The following UTRN variants were observed in gnomAD, a reference collection of about 807,000 sequenced individuals.
UTRN encodes dystrophin-related protein 1.
Under a neutral mutation model 463.9 loss-of-function variants are expected in UTRN, and 283 were observed. The ratio of observed to expected loss-of-function variants is 0.61; its 90% CI spans 0.55 to 0.67. The LOEUF (loss-of-function observed/expected upper bound fraction) is 0.67, where lower values mean the gene tolerates loss of function less well. Ranked by LOEUF, UTRN falls within the 30% of genes least tolerant of loss-of-function variation. The pLI is 0.00. For synonymous variants in UTRN, 1,442 were observed against 1,431.5 expected, an observed-to-expected ratio of 1.01 and a Z score of -0.17; for missense variants, 3,922 against 4,084.3, an observed-to-expected ratio of 0.96 and a Z score of 1.08.
In UTRN at chr6:144,432,850, G is replaced by A. The variant is rs557624821; in HGVS notation, c.856-3085G>A. 2.1e-4 allele frequency among the ~76,000 whole-genome samples: 32 copies of A among 152,270 alleles called. No individual in the cohort carries two copies. In the East Asian group the frequency reaches 5.2e-3, roughly 25 times the overall value. Reference sequence around the variant, plus strand: ...CCCTGCGGCCTTCCGCAGTGTTTGTGTCCCTGGGTCCTTGAGATTAGGGAG... The same window carrying A: ...CCCTGCGGCCTTCCGCAGTGTTTGTATCCCTGGGTCCTTGAGATTAGGGAG... On this transcript the variant is annotated intron_variant, in intron 9 of 74. Transcript: ENST00000367545.
intron 58 of UTRN, among the ~76,000 whole-genome samples, chr6:144,763,281 CT>C (rs1332754531): frequency 6.6e-6 from 1 of 152,180 alleles, no homozygotes; most frequent in African/African-American, 2.4e-5. Flanking sequence ...AACTCCCCCT[CT>C]GAGTGGATCC....
At chr6:144,765,411 C>G (rs998970457) in intron 58 of UTRN, among the ~76,000 whole-genome samples, 1 of 152,008 alleles carries the variant, frequency 6.6e-6, no homozygotes, top group Non-Finnish European at 1.5e-5. Context: ...TGTGAAATTA[C>G]TTTAAGTGTA....
intron 33 of UTRN, among the ~76,000 whole-genome samples, chr6:144,495,496 G>A (rs370606321): frequency 6.6e-6 from 1 of 152,204 alleles, no homozygotes; most frequent in African/African-American, 2.4e-5. Flanking sequence ...AGCGTGGCGC[G>A]CAGCCCCGGT....
rs570210426 is a variant in UTRN, at chr6:144,704,366, G to A, written c.7809+4123G>A. Among the ~76,000 whole-genome samples the A allele has an allele frequency of 3.3e-5, 5 of 152,290 alleles. No homozygotes were observed. In the South Asian group the frequency reaches 8.3e-4, roughly 25 times the overall value. On this transcript the variant is annotated intron_variant, in intron 53 of 74. Transcript: ENST00000367545. ...TATTCTCAAGAACTAATATTTTAGT[G>A]TATAATGCTAGCTTTCTGCTAAATT...
At chr6:144,551,497 A>G (rs1798917265) in intron 48 of UTRN, among the ~76,000 whole-genome samples, 1 of 152,222 alleles carries the variant, frequency 6.6e-6, no homozygotes, top group South Asian at 2.1e-4. Context: ...TCAGTCCACA[A>G]ATATTTATTG....
In UTRN at chr6:144,819,736, A is replaced by G. The variant is rs940912157; in HGVS notation, c.9358-1146A>G. 4.6e-5 allele frequency among the ~76,000 whole-genome samples: 7 copies of G among 152,280 alleles called. 1 individual carries two copies. In the East Asian group the frequency reaches 1.4e-3, roughly 29 times the overall value. On this transcript the variant is annotated intron_variant, in intron 65 of 74. Coordinates refer to ENST00000367545, the MANE Select transcript of UTRN (RefSeq NM_007124.3). The stretch of plus-strand genomic sequence containing the variant: ...TCTGTCTGCAAAACAAGTTTCTGTG[A>G]GTCCTGGGCATGCATGTTGTGAAGG...
intron 53 of UTRN, among the ~76,000 whole-genome samples, chr6:144,712,129 A>G (rs189249064): frequency 2.0e-5 from 3 of 152,124 alleles, no homozygotes; most frequent in Admixed American, 2.0e-4. Context: ...AAAAAAAATT[A>G]TTTTCCAAGT....
At chr6:144,777,248 A>C (rs1339858369) in intron 60 of UTRN, among the ~76,000 whole-genome samples, 1 of 152,188 alleles carries the variant, frequency 6.6e-6, no homozygotes. Context: ...AAACTCATTC[A>C]GTTTTGGCAT....
chr6:144,414,339 T>C (rs1402063483), intron 3 of UTRN, among the ~76,000 whole-genome samples: 1 of 152,164 alleles, frequency 6.6e-6, no homozygotes, highest in Admixed American at 6.5e-5. Context: ...TGTTTGTGTC[T>C]TAGTTTTTGA....
chr6:144,476,442 T>C (rs1257810084), intron 25 of UTRN, among the ~76,000 whole-genome samples: 1 of 151,888 alleles, frequency 6.6e-6, no homozygotes, highest in Non-Finnish European at 1.5e-5. Context: ...AAGGAAAGAA[T>C]TGGATGTGTG....
chr6:144,487,567 G>A lies in UTRN; in HGVS notation c.3842G>A (p.Arg1281His), dbSNP rs202038286. The change falls in exon 29 of 75, where the codon CGC (arginine) becomes CAC (histidine). Residue 1281 changes from arginine (R) to histidine (H), a missense_variant. Physicochemically the swap from Arg to His is conservative, Grantham distance 29. This residue lies in a region of UTRN where 2,349 missense variants were observed against 2,303.8 expected (regional missense o/e 1.02). Coordinates refer to ENST00000367545, the MANE Select transcript of UTRN (RefSeq NM_007124.3). Reference sequence around the variant, plus strand: ...TTCCAGTCTCTGGAATCTGTTCTGCGCCACCCGGCAGATAATCGCACCCAG... The same window carrying A: ...TTCCAGTCTCTGGAATCTGTTCTGCACCACCCGGCAGATAATCGCACCCAG... ...EALESLESVLRHPADNRTQIR... is the reference protein window; with the variant it reads ...EALESLESVLHHPADNRTQIR... 1.5e-4 allele frequency: 239 copies of A among 1,609,856 alleles called. No homozygotes were observed. Among genetic ancestry groups the A allele is most frequent in the Admixed American group, 7.5e-4 (45 of 59,648 alleles).
chr6:144,719,870 CA>C (rs1026480431), intron 53 of UTRN, among the ~76,000 whole-genome samples: 10 of 152,112 alleles, frequency 6.6e-5, no homozygotes, highest in African/African-American at 2.4e-4. Flanking sequence ...AAGAAAAGTG[CA>C]TGTTAGCAAA....
chr6:144,668,635 T>C (rs1780671831), intron 51 of UTRN, among the ~76,000 whole-genome samples: 1 of 152,120 alleles, frequency 6.6e-6, no homozygotes, highest in Non-Finnish European at 1.5e-5. Context: ...TCATAGGTGT[T>C]ACCTTCTAGG....
chr6:144,793,822 C>G lies in UTRN; in HGVS notation c.8921-12C>G. ...AGACAGATGAAAGTTAACCTCTTGC[C>G]TCTCTTTGCAGATCTCTTTAAGGAA... On this transcript the variant is annotated splice_polypyrimidine_tract_variant and intron_variant, in intron 62 of 74. Transcript: ENST00000367545. The G allele has an allele frequency of 6.2e-7, 1 of 1,611,454 alleles. No homozygotes were observed. The highest frequency in any genetic ancestry group is 8.5e-7 in the Non-Finnish European group (1 of 1,178,636).
At chr6:144,799,381 G>A in intron 64 of UTRN, 2 of 464,182 alleles carry the variant, frequency 4.3e-6, no homozygotes, top group South Asian at 1.6e-5. Context: ...GGTAGGTAGT[G>A]TGAAGTAGAG....
At chr6:144,669,662 C>T (rs1037316755) in intron 51 of UTRN, among the ~76,000 whole-genome samples, 1 of 152,012 alleles carries the variant, frequency 6.6e-6, no homozygotes, top group Non-Finnish European at 1.5e-5. Flanking sequence ...GTGATGATTT[C>T]TGAGATTTTG....
At chr6:144,723,978 C>A (rs1253019699) in intron 53 of UTRN, among the ~76,000 whole-genome samples, 43 of 137,430 alleles carry the variant, frequency 3.1e-4, no homozygotes, top group Non-Finnish European at 5.8e-4. Context: ...CCACTGCACT[C>A]CAGCTTGGGC....
At chr6:144,738,182 C>T (rs1343114731) in intron 54 of UTRN, among the ~76,000 whole-genome samples, 2 of 152,190 alleles carry the variant, frequency 1.3e-5, no homozygotes, top group Non-Finnish European at 2.9e-5. Flanking sequence ...TGACGGCCAT[C>T]TGGCCCCTAA....
chr6:144,290,079 T>C (rs1804072723), intron 1 of UTRN, among the ~76,000 whole-genome samples: 1 of 152,220 alleles, frequency 6.6e-6, no homozygotes, highest in Non-Finnish European at 1.5e-5. Flanking sequence ...ATATATGCTA[T>C]TCTGTTTGAA....
Sources: allele counts gnomAD v4.1 joint callset (sites outside exome capture counted in the v4.1 genomes callset), GRCh38; gene constraint gnomAD v4.1.1; regional missense constraint gnomAD v4.1.1; transcripts MANE v1.5; gene names NCBI Gene and HGNC (gene_info 2026-07-23, HGNC 2026-07-21).